MCUB: variants seen among roughly 807,000 people sequenced by gnomAD.
The protein encoded by MCUB is mitochondrial calcium uniporter dominant negative subunit beta.
A neutral mutation model predicts 41.4 loss-of-function variants in MCUB; 46 were observed. That is an observed-to-expected ratio of 1.11 (90% CI 0.88 to 1.42). MCUB has a LOEUF of 1.42. Ranked by LOEUF, MCUB falls within the 40% of genes most tolerant of loss-of-function variation. MCUB has a pLI of 0.00. For missense variants in MCUB, 403 were observed against 404.9 expected (o/e 1.00, Z 0.04); for synonymous variants, 148 against 148.2 (o/e 1.00, Z 0.01).
At chr4:109,648,299 A>T (rs1023420069) in intron 1 of MCUB, among the ~76,000 whole-genome samples, 3 of 152,208 alleles carry the variant, frequency 2.0e-5, no homozygotes, top group Admixed American at 6.5e-5. Flanking sequence ...TTCCAAAGGG[A>T]TGACTGACTT....
intron 1 of MCUB, among the ~76,000 whole-genome samples, chr4:109,586,889 C>T (rs978969131): frequency 5.9e-5 from 9 of 152,302 alleles, no homozygotes; most frequent in African/African-American, 2.2e-4. Flanking sequence ...TGGGAGGTGT[C>T]TCCCAGTTAG....
intron 4 of MCUB, among the ~76,000 whole-genome samples, chr4:109,676,447 G>A (rs892172295): frequency 2.6e-5 from 4 of 152,176 alleles, no homozygotes; most frequent in African/African-American, 9.7e-5. Context: ...TATCTTACTG[G>A]AAGCTGGAAT....
chr4:109,643,397 C>G (rs1018984559), intron 1 of MCUB, among the ~76,000 whole-genome samples: 1 of 151,822 alleles, frequency 6.6e-6, no homozygotes, highest in African/African-American at 2.4e-5. Context: ...GTTGGCCAGG[C>G]TGGTCTCCAA....
intron 1 of MCUB, among the ~76,000 whole-genome samples, chr4:109,576,518 C>CTTTT (rs34834019): frequency 1.5e-5 from 2 of 131,726 alleles, no homozygotes; most frequent in Non-Finnish European, 3.2e-5. Context: ...TAACATTTGC[C>CTTTT]TTTTTTTTTT....
intron 1 of MCUB, among the ~76,000 whole-genome samples, chr4:109,646,923 C>CA (rs1272766955): frequency 2.0e-5 from 3 of 152,092 alleles, no homozygotes; most frequent in African/African-American, 4.8e-5. Flanking sequence ...ATGTATCTAT[C>CA]AAAAAAATAA....
chr4:109,628,369 A>G (rs919293408), intron 1 of MCUB, among the ~76,000 whole-genome samples: 1 of 152,240 alleles, frequency 6.6e-6, no homozygotes, highest in African/African-American at 2.4e-5. Context: ...ATTTAATTCT[A>G]AGTGATAATG....
At chr4:109,648,683 A>G (rs897723873) in intron 1 of MCUB, 6 of 390,028 alleles carry the variant, frequency 1.5e-5, no homozygotes, top group African/African-American at 6.7e-5. Context: ...GAGCTCCTAT[A>G]TAGCAGTTTG....
At chr4:109,684,743 A>G in intron 6 of MCUB, 97 bp downstream of exon 6, 1 of 650,298 alleles carries the variant, frequency 1.5e-6, no homozygotes, top group South Asian at 2.0e-5. Context: ...TTACTGAATT[A>G]CTGCCATCTG....
At chr4:109,606,903 C>A (rs533101799) in intron 1 of MCUB, among the ~76,000 whole-genome samples, 19 of 151,906 alleles carry the variant, frequency 1.3e-4, no homozygotes, top group Non-Finnish European at 2.6e-4. Context: ...CCTGCCACCA[C>A]GCCCAGCTAA....
In MCUB at chr4:109,668,823, T is replaced by C. The variant is rs145587879; in HGVS notation, c.451+4429T>C. Among the ~76,000 whole-genome samples the C allele has an allele frequency of 3.2e-3, 480 of 152,176 alleles. 2 individuals carry two copies. Among genetic ancestry groups the C allele is most frequent in the African/African-American group, 0.011 (455 of 41,540 alleles). On this transcript the variant is annotated intron_variant, in intron 4 of 7. Transcript: ENST00000394650. The stretch of plus-strand genomic sequence containing the variant: ...TTATTTATACTTCTTTTTTTAGCGG[T>C]TGCCTAAGAGTTTGCAATATACATT...
intron 4 of MCUB, among the ~76,000 whole-genome samples, chr4:109,676,045 TGA>T (rs1457145683): frequency 2.0e-5 from 3 of 152,100 alleles, no homozygotes; most frequent in African/African-American, 7.2e-5. Flanking sequence ...AAGAAACATC[TGA>T]AAAGGTGGAA....
intron 3 of MCUB, among the ~76,000 whole-genome samples, chr4:109,662,608 T>G (rs1729252639): frequency 6.6e-6 from 1 of 152,146 alleles, no homozygotes; most frequent in Admixed American, 6.5e-5. Context: ...ACATGAAAAA[T>G]TTAACACTGT....
intron 1 of MCUB, among the ~76,000 whole-genome samples, chr4:109,594,491 A>G (rs543886107): frequency 6.6e-6 from 1 of 152,320 alleles, no homozygotes; most frequent in Admixed American, 6.5e-5. Flanking sequence ...CCCCGTCTCT[A>G]CTAAAAATAC....
At chr4:109,648,218 AGGAAAG>A (rs1179096748) in intron 1 of MCUB, among the ~76,000 whole-genome samples, 1 of 74,670 alleles carries the variant, frequency 1.3e-5, no homozygotes, top group Non-Finnish European at 2.6e-5. Flanking sequence ...TCGAAATGGA[AGGAAAG>A]AGAGAGAGAA....
intron 4 of MCUB, among the ~76,000 whole-genome samples, chr4:109,672,636 G>A (rs958380407): frequency 1.3e-4 from 20 of 152,216 alleles, no homozygotes; most frequent in Non-Finnish European, 1.2e-4. Context: ...ACTGGTAAAT[G>A]TGGGAGAGTT....
intron 1 of MCUB, among the ~76,000 whole-genome samples, chr4:109,631,154 GTTA>G (rs1436401697): frequency 1.3e-5 from 2 of 152,234 alleles, no homozygotes; most frequent in Non-Finnish European, 1.5e-5. Context: ...GAGGAAGCAA[GTTA>G]TTATATAAAT....
In MCUB at chr4:109,684,278, G is replaced by C. The variant is rs111455616; in HGVS notation, c.613-165G>C. On this transcript the variant is annotated intron_variant, in intron 5 of 7. Coordinates refer to ENST00000394650, the MANE Select transcript of MCUB (RefSeq NM_017918.5). ...GGGGTTTCACCATGTTAACCAGGAT[G>C]GTCTCGATCTCCTGACCTCGTGATC... 7.8e-3 allele frequency among the ~76,000 whole-genome samples: 1,180 copies of C among 152,180 alleles called. 17 individuals are homozygous for C. Among genetic ancestry groups the C allele is most frequent in the African/African-American group, 0.027 (1,126 of 41,516 alleles).
At chr4:109,617,782 ATTAGGTAT>A (rs1728163585) in intron 1 of MCUB, among the ~76,000 whole-genome samples, 1 of 152,184 alleles carries the variant, frequency 6.6e-6, no homozygotes, top group African/African-American at 2.4e-5. Flanking sequence ...ATAAAATCTA[ATTAGGTAT>A]TTATTAAACC....
At chr4:109,560,571 G>A in intron 1 of MCUB, 135 bp downstream of exon 1, 2 of 444,424 alleles carry the variant, frequency 4.5e-6, no homozygotes, top group Non-Finnish European at 7.4e-6. Context: ...TCCGCGCGCC[G>A]GGCGGTCCCG....
Sources: allele counts gnomAD v4.1 joint callset (sites outside exome capture counted in the v4.1 genomes callset), GRCh38; gene constraint gnomAD v4.1.1; transcripts MANE v1.5; gene names NCBI Gene and HGNC (gene_info 2026-07-23, HGNC 2026-07-21).